DISP2: variants seen among roughly 807,000 people sequenced by gnomAD.
DISP2 encodes dispatched RND transporter family member 2.
A neutral mutation model predicts 95.5 loss-of-function variants in DISP2; 59 were observed. That is an observed-to-expected ratio of 0.62 (90% CI 0.50 to 0.77). The LOEUF (loss-of-function observed/expected upper bound fraction) is 0.77. Among genes scored for constraint, DISP2 ranks in the 30% least tolerant of loss-of-function variants. The pLI, the probability that DISP2 is intolerant of heterozygous loss-of-function variation, is 0.00. For missense variants in DISP2, 1,752 were observed against 1,854.6 expected (o/e 0.94, Z 1.02); for synonymous variants, 827 against 815.0 (o/e 1.01, Z -0.25).
In DISP2 at chr15:40,367,471, G is replaced by A; in HGVS notation, c.1359G>A (p.Leu453=). ...PKGASLMDIY[L]DRLATPWGLA... is the part of the protein sequence containing the mutation. Reference sequence around the variant, plus strand: ...GTGCTTCCCTCATGGACATCTACCTGGACCGGCTGGCCACCCCCTGGGGGC... The same window carrying A: ...GTGCTTCCCTCATGGACATCTACCTAGACCGGCTGGCCACCCCCTGGGGGC... Residue 453 remains leucine (L), a synonymous_variant, in exon 8 of 8, where the codon CTG becomes CTA. Coordinates refer to ENST00000267889, the MANE Select transcript of DISP2 (RefSeq NM_033510.3). 2 of 1,613,668 alleles carry A rather than the reference G, an allele frequency of 1.2e-6. No homozygotes were observed. The highest frequency in any genetic ancestry group is 2.2e-5 in the South Asian group (2 of 91,042).
In DISP2 at chr15:40,370,807, T is replaced by C. The variant is rs13314; in HGVS notation, c.*489T>C. ...TGGGCTCTTCATCAGGACACTTCCC[T>C]CTCTTTTGGGAGCTTCTCTGGGCAG... On this transcript the variant is annotated 3_prime_UTR_variant, in exon 8 of 8. Coordinates refer to ENST00000267889, the MANE Select transcript of DISP2 (RefSeq NM_033510.3). The C allele has an allele frequency of 4.5e-5, 16 of 358,506 alleles. No individual in the cohort carries two copies. The highest frequency in any genetic ancestry group is 8.4e-5 in the Non-Finnish European group (15 of 178,106). The allele number at this position is 358,506 out of a possible 1,614,324, so 22.2% of individuals were successfully genotyped here. A position where few individuals can be genotyped will look rare whatever the true frequency, so the allele number is the denominator to read the frequency against.
Position 40,378,135 on chromosome 15 carries a change from A to G in DISP2, c.*7817A>G, listed in dbSNP as rs1370551264. 1 of 152,244 alleles carries G rather than the reference A, an allele frequency of 6.6e-6. No homozygotes were observed. The highest frequency in any genetic ancestry group is 2.4e-5 in the African/African-American group (1 of 41,466). The allele number at this position is 152,244 out of a possible 1,614,324, so 9.4% of individuals were successfully genotyped here. Reference sequence around the variant, plus strand: ...TAAAAAATTACCAGTCATGCAAACTATAACCCATCATAAGGAGAAAAATCA... The same window carrying G: ...TAAAAAATTACCAGTCATGCAAACTGTAACCCATCATAAGGAGAAAAATCA... On this transcript the variant is annotated 3_prime_UTR_variant, in exon 8 of 8. Coordinates refer to ENST00000267889, the MANE Select transcript of DISP2 (RefSeq NM_033510.3).
Position 40,377,785 on chromosome 15 carries a change from A to C in DISP2, c.*7467A>C, listed in dbSNP as rs1443216879. 6.6e-6 allele frequency: 1 copy of C among 152,538 alleles called. No homozygotes were observed. The highest frequency in any genetic ancestry group is 2.1e-4 in the South Asian group (1 of 4,840). The allele number at this position is 152,538 out of a possible 1,614,324, so 9.4% of individuals were successfully genotyped here. A position where few individuals can be genotyped will look rare whatever the true frequency, so the allele number is the denominator to read the frequency against. ...CTTGAGACAAAGGAAAGGACCACCCAAAACAATGGGCCGGAACAGTAGCCA... is the reference window on the plus strand; with the variant it reads ...CTTGAGACAAAGGAAAGGACCACCCCAAACAATGGGCCGGAACAGTAGCCA... On this transcript the variant is annotated 3_prime_UTR_variant, in exon 8 of 8. Transcript: ENST00000267889.
In DISP2 at chr15:40,367,668, G is replaced by A. The variant is rs751103368; in HGVS notation, c.1556G>A (p.Gly519Glu). The change falls in exon 8 of 8, where the codon GGG becomes GAG. Residue 519 changes from glycine (G) to glutamate (E), a missense_variant. Physicochemically the swap from Gly to Glu is moderately conservative, Grantham distance 98. This residue lies in a region of DISP2 where 732 missense variants were observed against 714.6 expected (regional missense o/e 1.02). Transcript: ENST00000267889. ...SLFLTLMVLL[G>E]VLGSLLVAFF... ...TTCCTCACGCTCATGGTGCTGCTGG[G>A]GGTGCTGGGCTCACTGCTGGTGGCC... 6.2e-7 allele frequency: 1 copy of A among 1,613,976 alleles called. No individual in the cohort carries two copies. The highest frequency in any genetic ancestry group is 1.3e-5 in the African/African-American group (1 of 75,024).
chr15:40,365,786 C>A, intron 7 of DISP2, 61 bp downstream of exon 7: 1 of 1,534,416 alleles, frequency 6.5e-7, no homozygotes, highest in Non-Finnish European at 9.0e-7. Flanking sequence ...GGGAACTGAT[C>A]CCAAGGAAAT....
rs188150597 is a variant in DISP2, at chr15:40,368,698, G to T, written c.2586G>T (p.Ser862=). 1 of 1,612,978 alleles carries T rather than the reference G, an allele frequency of 6.2e-7. No homozygotes were observed. The highest frequency in any genetic ancestry group is 8.5e-7 in the Non-Finnish European group (1 of 1,180,026). The part of the protein sequence containing the change: ...RLGPDLCCGH[S]DFPWAPQFFL... ...GGCCTGACCTCTGCTGCGGCCACTCGGACTTCCCCTGGGCCCCCCAGTTTT... is the reference window on the plus strand; with the variant it reads ...GGCCTGACCTCTGCTGCGGCCACTCTGACTTCCCCTGGGCCCCCCAGTTTT... The change falls in exon 8 of 8, where the codon TCG becomes TCT. Residue 862 remains serine (S), a synonymous_variant. Transcript: ENST00000267889.
At chr15:40,364,621 G>A in intron 4 of DISP2, 77 bp downstream of exon 4, 1 of 1,569,724 alleles carries the variant, frequency 6.4e-7, no homozygotes. Flanking sequence ...GTTGGAGGTA[G>A]GGTAGCCATG....
In DISP2 at chr15:40,376,812, GA is replaced by G. The variant is rs1889736822; in HGVS notation, c.*6497del. ...GAGCGAGACCTTAACTCTAAAAAAA[GA>G]AATAAAGAAGAATTTAAACTGAAAG... On this transcript the variant is annotated 3_prime_UTR_variant, in exon 8 of 8. Coordinates refer to ENST00000267889, the MANE Select transcript of DISP2 (RefSeq NM_033510.3). The G allele has an allele frequency of 6.6e-6, 1 of 152,002 alleles. No homozygotes were observed. Among genetic ancestry groups the G allele is most frequent in the African/African-American group, 2.4e-5 (1 of 41,390 alleles). The allele number at this position is 152,002 out of a possible 1,614,324, so 9.4% of individuals were successfully genotyped here.
In DISP2 at chr15:40,369,423, GCTT is replaced by G. The variant is rs1456518817; in HGVS notation, c.3319_3321del (p.Phe1107del). 11 of 1,613,450 alleles carry G rather than the reference GCTT, an allele frequency of 6.8e-6. No individual in the cohort carries two copies. In the Admixed American group the frequency reaches 1.5e-4, roughly 22 times the overall value. On this transcript the variant is annotated inframe_deletion, in exon 8 of 8. Coordinates refer to ENST00000267889, the MANE Select transcript of DISP2 (RefSeq NM_033510.3). ...AAATGCGTCAGTTGTGGCTTTGCCA[GCTT>G]CTTCTTCCAATCTCTCTGCTGTTTC...
In DISP2 at chr15:40,370,967, A is replaced by G; in HGVS notation, c.*649A>G. ...GAAGGAGGATGGTCAGCCTTGGAGC[A>G]TCTCTCAATTACGGGACAGTCCCTC... On this transcript the variant is annotated 3_prime_UTR_variant, in exon 8 of 8. Transcript: ENST00000267889. 1 of 235,734 alleles carries G rather than the reference A, an allele frequency of 4.2e-6. No homozygotes were observed. The highest frequency in any genetic ancestry group is 9.6e-5 in the East Asian group (1 of 10,444). 14.6% of individuals were successfully genotyped at this position (235,734 alleles called of 1,614,324 possible). A position where few individuals can be genotyped will look rare whatever the true frequency, so the allele number is the denominator to read the frequency against.
Position 40,358,344 on chromosome 15 carries a change from G to T in DISP2, c.23G>T (p.Ser8Ile). 1 of 1,389,818 alleles carries T rather than the reference G, an allele frequency of 7.2e-7. No homozygotes were observed. The highest frequency in any genetic ancestry group is 9.3e-7 in the Non-Finnish European group (1 of 1,069,842). The allele number at this position is 1,389,818 out of a possible 1,614,324, so 86.1% of individuals were successfully genotyped here. Residue 8 changes from serine (S) to isoleucine (I), a missense_variant, in exon 1 of 8, where the codon AGC becomes ATC. Around this residue, in one of 5 missense-constraint regions of DISP2, gnomAD observed 342 missense variants for 364.3 expected, o/e 0.94. Transcript: ENST00000267889. Reference protein sequence around the residue: MDGDSSSSSGGSGPAPGP... With the variant: MDGDSSSISGGSGPAPGP... ...GGCATGGACGGTGACAGCAGCAGCA[G>T]CAGCGGCGGCAGCGGTCCGGCTCCC...
Position 40,367,790 on chromosome 15 carries a change from C to G in DISP2, c.1678C>G (p.Leu560Val). The part of the protein sequence containing the change: ...LLSSVCANHT[L>V]IFFDLWRLSK... Reference sequence around the variant, plus strand: ...GAGCAGCGTCTGCGCCAACCACACGCTCATCTTCTTCGACCTGTGGCGCCT... The same window carrying G: ...GAGCAGCGTCTGCGCCAACCACACGGTCATCTTCTTCGACCTGTGGCGCCT... The change falls in exon 8 of 8, where the codon CTC (leucine) becomes GTC (valine). Residue 560 changes from leucine (L) to valine (V), a missense_variant. Leu to Val is a conservative substitution (Grantham distance 32, BLOSUM62 1). Around this residue, in one of 5 missense-constraint regions of DISP2, gnomAD observed 732 missense variants for 714.6 expected, o/e 1.02. Transcript: ENST00000267889. The G allele has an allele frequency of 6.2e-7, 1 of 1,608,172 alleles. No homozygotes were observed. Among genetic ancestry groups the G allele is most frequent in the Non-Finnish European group, 8.5e-7 (1 of 1,180,008 alleles).
chr15:40,364,053 G>A, intron 2 of DISP2, 99 bp downstream of exon 2: 1 of 1,473,376 alleles, frequency 6.8e-7, no homozygotes, highest in Non-Finnish European at 9.1e-7. Context: ...TTTCTTAGGA[G>A]GCAACCAGAT....
Position 40,363,579 on chromosome 15 carries a change from C to T in DISP2, c.120-46C>T, listed in dbSNP as rs755662950. The T allele has an allele frequency of 2.2e-6, 3 of 1,386,890 alleles. No homozygotes were observed. In the South Asian group the frequency reaches 4.3e-5, roughly 20 times the overall value. The allele number at this position is 1,386,890 out of a possible 1,614,324, so 85.9% of individuals were successfully genotyped here. On this transcript the variant is annotated intron_variant, in intron 1 of 7. Coordinates refer to ENST00000267889, the MANE Select transcript of DISP2 (RefSeq NM_033510.3). Reference sequence around the variant, plus strand: ...AATAATGCTGGGGCATGGGGTGGCCCACCACCATCCCCCACCCCAATCTTC... The same window carrying T: ...AATAATGCTGGGGCATGGGGTGGCCTACCACCATCCCCCACCCCAATCTTC...
At chr15:40,365,540 A>T in intron 6 of DISP2, 88 bp from the exon 7 acceptor site, 1 of 1,467,952 alleles carries the variant, frequency 6.8e-7, no homozygotes, top group Non-Finnish European at 9.5e-7. Flanking sequence ...TCTGAACCTC[A>T]TGTGGCCCTG....
In DISP2 at chr15:40,368,227, C is replaced by T; in HGVS notation, c.2115C>T (p.Ile705=). The T allele has an allele frequency of 6.2e-7, 1 of 1,610,714 alleles. No homozygotes were observed. The highest frequency in any genetic ancestry group is 8.5e-7 in the Non-Finnish European group (1 of 1,179,138). ...GCGGCGTCATCAAGTTCCGCTACAT[C>T]TGGATCTGCTGGTTCGCAGCACTGG... ...LPCGVIKFRY[I]WICWFAALAA... The change falls in exon 8 of 8, where the codon ATC becomes ATT. Residue 705 remains isoleucine, a synonymous_variant. Coordinates refer to ENST00000267889, the MANE Select transcript of DISP2 (RefSeq NM_033510.3).
chr15:40,362,427 C>A (rs1477796664), intron 1 of DISP2, among the ~76,000 whole-genome samples: 2 of 152,214 alleles, frequency 1.3e-5, no homozygotes, highest in Non-Finnish European at 2.9e-5. Flanking sequence ...ATCCTAGCAC[C>A]ACTATTAGCA....
At chr15:40,366,001 G>T (rs768515252) in intron 7 of DISP2, among the ~76,000 whole-genome samples, 18 of 152,254 alleles carry the variant, frequency 1.2e-4, no homozygotes. Flanking sequence ...CCTCCAGAGC[G>T]GGTGAGGAGG....
At chr15:40,365,847 CT>C in intron 7 of DISP2, 122 bp downstream of exon 7, 1 of 973,896 alleles carries the variant, frequency 1.0e-6, no homozygotes, top group Non-Finnish European at 1.6e-6. Flanking sequence ...GCATTCCCTG[CT>C]TAGAAAATTA....
Sources: gnomAD v4.1 joint callset for allele counts (sites outside exome capture counted in the v4.1 genomes callset) on GRCh38, gnomAD v4.1.1 for gene constraint, gnomAD v4.1.1 regional missense constraint, MANE v1.5 for transcripts, NCBI Gene and HGNC (gene_info 2026-07-23, HGNC 2026-07-21) for gene names.